The following TP63 variants were observed in gnomAD, a reference collection of about 807,000 sequenced individuals.
The protein encoded by TP63 is tumor protein p63, also known as tumor protein 63.
In TP63, 17 loss-of-function variants were observed where a neutral mutation model predicts 82.8. That is an observed-to-expected ratio of 0.21 (90% confidence interval 0.14 to 0.31). TP63 has a LOEUF of 0.31. Among genes scored for constraint, TP63 ranks in the 10% least tolerant of loss-of-function variants. TP63 has a pLI of 1.00. For missense variants in TP63, 648 were observed against 895.3 expected (o/e 0.72, Z 3.52); for synonymous variants, 330 against 321.7 (o/e 1.03, Z -0.28).
Position 189,647,115 on chromosome 3 carries a change from G to GA in TP63, c.62+15540dup, listed in dbSNP as rs1309666297. Among the ~76,000 whole-genome samples, 3 of 146,740 alleles carry GA rather than the reference G, an allele frequency of 2.0e-5. 1 individual carries two copies. The highest frequency in any genetic ancestry group is 3.0e-5 in the Non-Finnish European group (2 of 67,236). The stretch of plus-strand genomic sequence containing the variant: ...TTGTTTAGCACTTGGTCGCTTCCAA[G>GA]AACTCCAACAGCCTTAACAAATAGA... On this transcript the variant is annotated intron_variant, in intron 1 of 13. Transcript: ENST00000264731.
chr3:189,775,174 C>A (rs546772579), intron 3 of TP63, among the ~76,000 whole-genome samples: 1 of 136,642 alleles, frequency 7.3e-6, no homozygotes, highest in South Asian at 2.3e-4. Flanking sequence ...GAGCCAAGAT[C>A]GTGCCACTGC....
intron 3 of TP63, among the ~76,000 whole-genome samples, chr3:189,765,851 A>G (rs960632386): frequency 6.6e-6 from 1 of 152,170 alleles, no homozygotes; most frequent in African/African-American, 2.4e-5. Flanking sequence ...TCATGAACAG[A>G]TAACTCCCCC....
At chr3:189,825,524 C>A (rs369351177) in intron 4 of TP63, among the ~76,000 whole-genome samples, 80 of 152,178 alleles carry the variant, frequency 5.3e-4, no homozygotes, top group African/African-American at 1.8e-3. Flanking sequence ...ATATTTGCTT[C>A]AAAATACCCA....
intron 4 of TP63, among the ~76,000 whole-genome samples, chr3:189,838,514 C>T (rs1000694725): frequency 3.3e-5 from 5 of 152,118 alleles, no homozygotes; most frequent in African/African-American, 7.2e-5. Flanking sequence ...TAGGAAGTAA[C>T]ATGATGACAA....
intron 2 of TP63, among the ~76,000 whole-genome samples, 160 bp from the exon 3 acceptor site, chr3:189,738,482 A>G (rs1720757012): frequency 1.3e-5 from 2 of 152,202 alleles, no homozygotes; most frequent in South Asian, 2.1e-4. Flanking sequence ...TACACATTTG[A>G]TAAGTGATTG....
chr3:189,644,903 C>T (rs1274338352), intron 1 of TP63, among the ~76,000 whole-genome samples: 1 of 144,734 alleles, frequency 6.9e-6, no homozygotes, highest in African/African-American at 2.5e-5. Flanking sequence ...TGTATATACA[C>T]CACATTTTCT....
In TP63 at chr3:189,737,309, C is replaced by T. The variant is rs1253177226; in HGVS notation, c.63-431C>T. On this transcript the variant is annotated intron_variant, in intron 1 of 13. Coordinates refer to ENST00000264731, the MANE Select transcript of TP63 (RefSeq NM_003722.5). ...CTGAGTTCATTTCTGTTTCCTGGTT[C>T]TATTTCTTACATGCTGGTGGCAGAA... is the stretch of plus-strand genomic sequence containing the variant. 2.0e-5 allele frequency among the ~76,000 whole-genome samples: 3 copies of T among 152,104 alleles called. No individual in the cohort carries two copies. The East Asian group carries it at 5.8e-4, about 29-fold the overall frequency.
Position 189,722,350 on chromosome 3 carries a change from G to A in TP63, c.63-15390G>A, listed in dbSNP as rs540606025. ...AATAATAAGGGAGCAGCCTTAGAAG[G>A]ATAAGCGCGTCTTTAGTGTCAGCAA... On this transcript the variant is annotated intron_variant, in intron 1 of 13. Coordinates refer to ENST00000264731, the MANE Select transcript of TP63 (RefSeq NM_003722.5). Among the ~76,000 whole-genome samples the A allele has an allele frequency of 1.4e-4, 22 of 152,230 alleles. 1 individual carries two copies. The highest frequency in any genetic ancestry group is 2.2e-4 in the Non-Finnish European group (15 of 68,052).
intron 1 of TP63, among the ~76,000 whole-genome samples, chr3:189,696,419 G>A (rs1717383987): frequency 6.6e-6 from 1 of 152,066 alleles, no homozygotes; most frequent in Admixed American, 6.6e-5. Flanking sequence ...CCATAGTATG[G>A]ATATACCACA....
intron 1 of TP63, among the ~76,000 whole-genome samples, chr3:189,643,455 T>A (rs367689909): frequency 2.4e-5 from 3 of 122,912 alleles, no homozygotes; most frequent in African/African-American, 2.8e-5. Flanking sequence ...TTAAACTGAT[T>A]AAAAAAAAAA....
At chr3:189,691,338 CAAAAAAAAA>C (rs781098833) in intron 1 of TP63, among the ~76,000 whole-genome samples, 1 of 67,110 alleles carries the variant, frequency 1.5e-5, no homozygotes. Flanking sequence ...GACTCCATCT[CAAAAAAAAA>C]AAAAAAAAAA....
chr3:189,817,497 G>C (rs1190050598), intron 4 of TP63, among the ~76,000 whole-genome samples: 2 of 152,064 alleles, frequency 1.3e-5, no homozygotes, highest in African/African-American at 4.8e-5. Flanking sequence ...ATTGCTGTGA[G>C]GCTTAATTAA....
chr3:189,771,824 T>C (rs1723402994), intron 3 of TP63, among the ~76,000 whole-genome samples: 1 of 152,206 alleles, frequency 6.6e-6, no homozygotes, highest in Admixed American at 6.5e-5. Context: ...AATTTGTTGA[T>C]TGATTCATTT....
the TP63 span, among the ~76,000 whole-genome samples, chr3:189,604,034 A>G: frequency 6.6e-6 from 1 of 152,166 alleles, no homozygotes; most frequent in Non-Finnish European, 1.5e-5. Context: ...AAATATATAT[A>G]TATTCACAAA....
At chr3:189,735,337 TC>T (rs1157449834) in intron 1 of TP63, among the ~76,000 whole-genome samples, 1 of 152,178 alleles carries the variant, frequency 6.6e-6, no homozygotes, top group Non-Finnish European at 1.5e-5. Flanking sequence ...GGTCTATTTT[TC>T]TTCCTAGAGT....
At position 189,784,674 on chromosome 3, in the gene TP63, C is replaced by T. The variant is rs558484291; in HGVS notation, c.325-23598C>T. ...ATCTAGAATACAACTGTAAGATTTA[C>T]GACAGAACTCGTCTCCCTTTCTATG... is the stretch of plus-strand genomic sequence containing the variant. On this transcript the variant is annotated intron_variant, in intron 3 of 13. Coordinates refer to ENST00000264731, the MANE Select transcript of TP63 (RefSeq NM_003722.5). 7.2e-4 allele frequency among the ~76,000 whole-genome samples: 110 copies of T among 152,110 alleles called. 2 individuals carry two copies. The South Asian group carries it at 9.5e-3, about 13-fold the overall frequency.
At chr3:189,602,637 G>A in the TP63 span, among the ~76,000 whole-genome samples, 1 of 152,160 alleles carries the variant, frequency 6.6e-6, no homozygotes, top group Non-Finnish European at 1.5e-5. Context: ...GTGCATCCGA[G>A]CCAGCAAGTA....
chr3:189,848,965 C>G (rs769004219), intron 4 of TP63, among the ~76,000 whole-genome samples: 36 of 152,116 alleles, frequency 2.4e-4, no homozygotes, highest in Non-Finnish European at 4.7e-4. Context: ...GTCAGCCCCA[C>G]CCCCCAGCCT....
At chr3:189,837,217 T>TC (rs1553851110) in intron 4 of TP63, among the ~76,000 whole-genome samples, 33 of 151,218 alleles carry the variant, frequency 2.2e-4, no homozygotes, top group Non-Finnish European at 4.0e-4. Context: ...CATTTTTTTT[T>TC]TCTCTCTCTC....
Sources: gnomAD v4.1 joint callset for allele counts (sites outside exome capture counted in the v4.1 genomes callset) on GRCh38, gnomAD v4.1.1 for gene constraint, MANE v1.5 for transcripts, NCBI Gene and HGNC (gene_info 2026-07-23, HGNC 2026-07-21) for gene names.